Variants in CNTNAP2 observed in about 807,000 individuals in gnomAD.
The protein encoded by CNTNAP2 is contactin-associated protein-like 2.
Under a neutral mutation model 155.2 loss-of-function variants are expected in CNTNAP2, and 98 were observed. That is an observed-to-expected ratio of 0.63 (90% confidence interval 0.54 to 0.75). The LOEUF (loss-of-function observed/expected upper bound fraction) is 0.75, where lower values mean the gene tolerates loss of function less well. Among genes scored for constraint, CNTNAP2 ranks in the 30% least tolerant of loss-of-function variants. The pLI, the probability that CNTNAP2 is intolerant of heterozygous loss-of-function variation, is 0.00. For synonymous variants in CNTNAP2, 651 were observed against 631.2 expected (o/e 1.03, Z -0.47); for missense variants, 1,727 against 1,688.1 (o/e 1.02, Z -0.40).
At chr7:147,363,856 G>A (rs1360368943) in intron 9 of CNTNAP2, among the ~76,000 whole-genome samples, 1 of 152,134 alleles carries the variant, frequency 6.6e-6, no homozygotes, top group Non-Finnish European at 1.5e-5. Flanking sequence ...TTTAGAGTTG[G>A]TTTCACCTTG....
chr7:146,939,654 C>A (rs1797005015), intron 3 of CNTNAP2, among the ~76,000 whole-genome samples: 1 of 152,136 alleles, frequency 6.6e-6, no homozygotes, highest in Admixed American at 6.6e-5. Context: ...CTTAACCCAT[C>A]AGTTTTTTAA....
intron 1 of CNTNAP2, among the ~76,000 whole-genome samples, chr7:146,303,103 T>C (rs942805636): frequency 7.0e-5 from 10 of 141,970 alleles, no homozygotes; most frequent in African/African-American, 2.4e-4. Flanking sequence ...TGTGTGTGTG[T>C]GTGTGCGCAT....
chr7:146,881,234 G>T (rs1197911843), intron 3 of CNTNAP2, among the ~76,000 whole-genome samples: 1 of 152,006 alleles, frequency 6.6e-6, no homozygotes, highest in Admixed American at 6.6e-5. Flanking sequence ...AACTGTATTG[G>T]TTTTCTCAAG....
At chr7:147,511,892 T>TATAGCAGG (rs917398378) in intron 11 of CNTNAP2, among the ~76,000 whole-genome samples, 3 of 152,230 alleles carry the variant, frequency 2.0e-5, no homozygotes, top group African/African-American at 7.2e-5. Context: ...AAGTGCTTTC[T>TATAGCAGG]ATAGCAGGAG....
At chr7:146,478,876 T>A (rs948252782) in intron 1 of CNTNAP2, among the ~76,000 whole-genome samples, 10 of 152,176 alleles carry the variant, frequency 6.6e-5, no homozygotes, top group Admixed American at 5.2e-4. Flanking sequence ...AATGTAGTTA[T>A]ATAATATGTA....
chr7:147,630,760 C>A (rs1303733824), intron 12 of CNTNAP2, among the ~76,000 whole-genome samples: 3 of 152,078 alleles, frequency 2.0e-5, no homozygotes, highest in Non-Finnish European at 4.4e-5. Flanking sequence ...AAGCATTTGA[C>A]AAAGTCCAGC....
chr7:147,376,803 C>T (rs1796442274), intron 9 of CNTNAP2, among the ~76,000 whole-genome samples: 1 of 151,968 alleles, frequency 6.6e-6, no homozygotes, highest in Admixed American at 6.6e-5. Flanking sequence ...CAGACACCAG[C>T]ACCTTGAAGC....
chr7:146,617,172 T>A (rs903599394), intron 1 of CNTNAP2, among the ~76,000 whole-genome samples: 1 of 152,142 alleles, frequency 6.6e-6, no homozygotes, highest in African/African-American at 2.4e-5. Context: ...ACCTGTATTT[T>A]TGTCTTATCT....
In CNTNAP2 at chr7:146,408,222, A is replaced by G. The variant is rs111928655; in HGVS notation, c.97+291249A>G. Reference sequence around the variant, plus strand: ...TTAATTGCTTCAAGCAAAATTAACCATTAAAAATAAGCAATTCATTGCACT... The same window carrying G: ...TTAATTGCTTCAAGCAAAATTAACCGTTAAAAATAAGCAATTCATTGCACT... On this transcript the variant is annotated intron_variant, in intron 1 of 23. Transcript: ENST00000361727. Among the ~76,000 whole-genome samples the G allele has an allele frequency of 3.5e-3, 539 of 152,312 alleles. 2 individuals carry two copies. Among genetic ancestry groups the G allele is most frequent in the African/African-American group, 0.012 (499 of 41,572 alleles).
At chr7:148,049,553 G>A (rs1449659292) in intron 15 of CNTNAP2, among the ~76,000 whole-genome samples, 1 of 152,110 alleles carries the variant, frequency 6.6e-6, no homozygotes, top group East Asian at 1.9e-4. Context: ...ACCACACAAT[G>A]TCGTTTAGTC....
At chr7:146,571,987 G>A (rs945086269) in intron 1 of CNTNAP2, among the ~76,000 whole-genome samples, 34 of 152,126 alleles carry the variant, frequency 2.2e-4, no homozygotes, top group African/African-American at 7.7e-4. Flanking sequence ...CCGAAGTGCC[G>A]GGATTACAGG....
At chr7:146,242,041 G>A (rs1002504610) in intron 1 of CNTNAP2, among the ~76,000 whole-genome samples, 2 of 152,204 alleles carry the variant, frequency 1.3e-5, no homozygotes, top group South Asian at 4.1e-4. Context: ...AATTTCTTGA[G>A]CTATAAAAAG....
At chr7:148,319,679 G>A (rs771016957) in intron 21 of CNTNAP2, among the ~76,000 whole-genome samples, 8 of 151,826 alleles carry the variant, frequency 5.3e-5, no homozygotes, top group African/African-American at 9.7e-5. Flanking sequence ...ACCCGATTGT[G>A]TACTGTGCAT....
intron 1 of CNTNAP2, among the ~76,000 whole-genome samples, chr7:146,763,002 A>G (rs1802130242): frequency 6.6e-6 from 1 of 151,802 alleles, no homozygotes; most frequent in African/African-American, 2.4e-5. Context: ...TCAATCCCCT[A>G]CAAAGCCCAC....
At chr7:146,934,729 T>A (rs1796874188) in intron 3 of CNTNAP2, among the ~76,000 whole-genome samples, 1 of 152,202 alleles carries the variant, frequency 6.6e-6, no homozygotes, top group South Asian at 2.1e-4. Flanking sequence ...AGACATTATT[T>A]TCACTGAATC....
At chr7:147,684,707 T>C (rs1795993534) in intron 13 of CNTNAP2, among the ~76,000 whole-genome samples, 1 of 151,926 alleles carries the variant, frequency 6.6e-6, no homozygotes, top group South Asian at 2.1e-4. Context: ...CTTCAAGAAA[T>C]TGGTAATACA....
At chr7:147,639,065 A>T (rs765178215) in intron 12 of CNTNAP2, 41 bp from the exon 13 acceptor site, 5 of 1,589,314 alleles carry the variant, frequency 3.1e-6, no homozygotes, top group Non-Finnish European at 4.3e-6. Context: ...AAGCATTTGC[A>T]TACTAATGAT....
At chr7:146,486,046 C>G (rs1485578364) in intron 1 of CNTNAP2, among the ~76,000 whole-genome samples, 3 of 42,606 alleles carry the variant, frequency 7.0e-5, no homozygotes, top group African/African-American at 2.5e-4. Flanking sequence ...CCACAGCAGT[C>G]TTTTTTTTTT....
At chr7:146,900,100 C>T (rs1471332128) in intron 3 of CNTNAP2, among the ~76,000 whole-genome samples, 1 of 152,136 alleles carries the variant, frequency 6.6e-6, no homozygotes, top group African/African-American at 2.4e-5. Flanking sequence ...TTGTTGTTAA[C>T]TACTTGCTAT....
Sources: gnomAD v4.1 joint callset for allele counts (sites outside exome capture counted in the v4.1 genomes callset) on GRCh38, gnomAD v4.1.1 for gene constraint, MANE v1.5 for transcripts, NCBI Gene and HGNC (gene_info 2026-07-23, HGNC 2026-07-21) for gene names.